MTHFD1L: variants seen among roughly 807,000 people sequenced by gnomAD.
The protein encoded by MTHFD1L is monofunctional C1-tetrahydrofolate synthase, mitochondrial.
In MTHFD1L, 81 loss-of-function variants were observed where a neutral mutation model predicts 119.5. The observed-to-expected ratio is 0.68, with a 90% CI of 0.57 to 0.82. The LOEUF (loss-of-function observed/expected upper bound fraction) is 0.82. Ranked by LOEUF, MTHFD1L falls within the 40% of genes least tolerant of loss-of-function variation. The probability of loss-of-function intolerance (pLI) is 0.00; values close to 1 mark genes in which losing one functional copy is unlikely to be tolerated. For missense variants in MTHFD1L, 1,125 were observed against 1,253.4 expected, an observed-to-expected ratio of 0.90 and a Z score of 1.55; for synonymous variants, 430 against 475.2, an observed-to-expected ratio of 0.90 and a Z score of 1.24.
intron 26 of MTHFD1L, among the ~76,000 whole-genome samples, chr6:151,060,810 C>A (rs916886945): frequency 3.4e-5 from 5 of 145,064 alleles, no homozygotes; most frequent in Non-Finnish European, 7.7e-5. Flanking sequence ...GAGTCAGGAC[C>A]TGGGGATTTT....
Position 150,971,961 on chromosome 6 carries a change from C to T in MTHFD1L, c.2028C>T (p.Phe676=), listed in dbSNP as rs141031280. The change falls in exon 20 of 28, where the codon TTC becomes TTT. Residue 676 remains phenylalanine (F), a synonymous_variant. Coordinates refer to ENST00000367321, the MANE Select transcript of MTHFD1L (RefSeq NM_015440.5). The stretch of plus-strand genomic sequence containing the variant: ...CACTTCTCTAGGGGACACCTGTGTT[C>T]GTGCATGCGGGCCCTTTTGCTAACA... ...LMQTLEGTPV[F]VHAGPFANIA... is the part of the protein sequence containing the mutation. 3.2e-4 allele frequency: 511 copies of T among 1,614,036 alleles called. 2 individuals carry two copies. In the African/African-American group the frequency reaches 5.9e-3, roughly 19 times the overall value.
At chr6:150,988,820 G>A (rs1422990293) in intron 20 of MTHFD1L, among the ~76,000 whole-genome samples, 2 of 152,044 alleles carry the variant, frequency 1.3e-5, no homozygotes, top group African/African-American at 4.8e-5. Context: ...TGGTCAGGCT[G>A]GTCTCGAACT....
chr6:150,906,233 G>A (rs1200073558), intron 8 of MTHFD1L, among the ~76,000 whole-genome samples: 1 of 152,196 alleles, frequency 6.6e-6, no homozygotes, highest in East Asian at 1.9e-4. Context: ...CACATCCTTG[G>A]AGCCCCAGAG....
intron 8 of MTHFD1L, among the ~76,000 whole-genome samples, chr6:150,911,603 G>A (rs111713196): frequency 6.6e-5 from 10 of 152,208 alleles, no homozygotes; most frequent in African/African-American, 2.4e-4. Flanking sequence ...GAAGGGGAAG[G>A]GGAATCACAT....
At position 151,013,707 on chromosome 6, in the gene MTHFD1L, G is replaced by A. The variant is rs143754731; in HGVS notation, c.2266-72G>A. 2.2e-6 allele frequency: 3 copies of A among 1,340,966 alleles called. No homozygotes were observed. In the African/African-American group the frequency reaches 4.4e-5, roughly 19 times the overall value. 83.1% of individuals were successfully genotyped at this position (1,340,966 alleles called of 1,614,324 possible). A position where few individuals can be genotyped will look rare whatever the true frequency, so the allele number is the denominator to read the frequency against. On this transcript the variant is annotated intron_variant, in intron 21 of 27. Coordinates refer to ENST00000367321, the MANE Select transcript of MTHFD1L (RefSeq NM_015440.5). Reference sequence around the variant, plus strand: ...TCTAAAAATTGAATGTGATTATGTTGTTCTTTCTTTCAGATCGGTTGTGTA... The same window carrying A: ...TCTAAAAATTGAATGTGATTATGTTATTCTTTCTTTCAGATCGGTTGTGTA...
intron 4 of MTHFD1L, 54 bp downstream of exon 4, chr6:150,877,880 T>C: frequency 2.5e-6 from 4 of 1,599,024 alleles, no homozygotes; most frequent in Non-Finnish European, 3.4e-6. Context: ...TGAGACTTAA[T>C]AGGCCCATTG....
At chr6:150,932,246 C>T (rs1474787) in intron 11 of MTHFD1L, among the ~76,000 whole-genome samples, 51,827 of 149,356 alleles carry the variant, frequency 0.35, 10,546 homozygotes, top group African/African-American at 0.57. Flanking sequence ...GATGTGATAG[C>T]GGTGCAAAGA....
At chr6:151,007,694 A>G (rs1781601847) in intron 20 of MTHFD1L, among the ~76,000 whole-genome samples, 1 of 152,170 alleles carries the variant, frequency 6.6e-6, no homozygotes, top group African/African-American at 2.4e-5. Context: ...ACTTTTGACA[A>G]AAGTCACCCG....
At chr6:150,911,671 C>A (rs902750888) in intron 8 of MTHFD1L, among the ~76,000 whole-genome samples, 2 of 152,028 alleles carry the variant, frequency 1.3e-5, no homozygotes, top group East Asian at 3.9e-4. Flanking sequence ...AGTCCATTTT[C>A]GCACTGCTGA....
chr6:150,982,565 A>T (rs1476034532), intron 20 of MTHFD1L, among the ~76,000 whole-genome samples: 1 of 152,146 alleles, frequency 6.6e-6, no homozygotes. Flanking sequence ...CAGGAGTGAG[A>T]TTTGGGGGGT....
At chr6:150,933,848 C>G (rs1406391299) in intron 11 of MTHFD1L, among the ~76,000 whole-genome samples, 3 of 152,152 alleles carry the variant, frequency 2.0e-5, no homozygotes, top group Non-Finnish European at 2.9e-5. Flanking sequence ...AACTCCCTAG[C>G]TCAAGCAGTC....
rs1373476885 is a variant in MTHFD1L at position 150,899,943 on chromosome 6, C to G, written c.781-5707C>G. On this transcript the variant is annotated intron_variant, in intron 7 of 27. Coordinates refer to ENST00000367321, the MANE Select transcript of MTHFD1L (RefSeq NM_015440.5). ...CTGAGATTGCACCACTGCACTCCAG[C>G]CTGGGCCACAGAGTGAGATTCCATC... is the stretch of plus-strand genomic sequence containing the variant. 2.0e-5 allele frequency among the ~76,000 whole-genome samples: 3 copies of G among 150,744 alleles called. No individual in the cohort carries two copies. The East Asian group carries it at 5.8e-4, about 29-fold the overall frequency.
chr6:150,969,515 A>AC (rs1489368278), intron 19 of MTHFD1L, among the ~76,000 whole-genome samples: 12 of 150,584 alleles, frequency 8.0e-5, no homozygotes, highest in African/African-American at 2.4e-4. Flanking sequence ...CCTGCCTCAA[A>AC]AAAAAAAAAA....
In MTHFD1L at chr6:151,022,086, A is replaced by G. The variant is rs888971526; in HGVS notation, c.2586+6393A>G. 4 of 471,034 alleles carry G rather than the reference A, an allele frequency of 8.5e-6. No individual in the cohort carries two copies. The Admixed American group carries it at 9.4e-5, about 11-fold the overall frequency. The allele number at this position is 471,034 out of a possible 1,614,324, so 29.2% of individuals were successfully genotyped here. A position where few individuals can be genotyped will look rare whatever the true frequency, so the allele number is the denominator to read the frequency against. Reference sequence around the variant, plus strand: ...AGGAAGAGCAAAACAAACCACGAAGACAGCCTGGAGCCGCAGCCAGCTCTG... The same window carrying G: ...AGGAAGAGCAAAACAAACCACGAAGGCAGCCTGGAGCCGCAGCCAGCTCTG... On this transcript the variant is annotated intron_variant, in intron 24 of 27. Coordinates refer to ENST00000367321, the MANE Select transcript of MTHFD1L (RefSeq NM_015440.5).
At chr6:151,057,324 G>T in intron 26 of MTHFD1L, 2 of 985,338 alleles carry the variant, frequency 2.0e-6, no homozygotes, top group Non-Finnish European at 2.4e-6. Flanking sequence ...TATAATAATG[G>T]TGGTGACTCA....
intron 23 of MTHFD1L, 63 bp from the exon 24 acceptor site, chr6:151,015,453 T>A: frequency 1.3e-6 from 2 of 1,534,074 alleles, no homozygotes; most frequent in Non-Finnish European, 1.8e-6. Flanking sequence ...AAATGGTGAG[T>A]CTTTCTTTGA....
intron 9 of MTHFD1L, among the ~76,000 whole-genome samples, chr6:150,920,964 T>TGAGACAGAG (rs1788807174): frequency 7.7e-6 from 1 of 129,910 alleles, no homozygotes; most frequent in African/African-American, 3.1e-5. Flanking sequence ...TTTTTTTTTT[T>TGAGACAGAG]TTTTGAGACA....
At chr6:150,934,332 A>AG (rs1791687362) in intron 11 of MTHFD1L, among the ~76,000 whole-genome samples, 1 of 152,240 alleles carries the variant, frequency 6.6e-6, no homozygotes, top group African/African-American at 2.4e-5. Flanking sequence ...GTCTCACCTA[A>AG]GATGTTACTT....
chr6:151,009,802 C>T lies in MTHFD1L; in HGVS notation c.2126-17C>T, dbSNP rs926415552. 8.1e-6 allele frequency: 13 copies of T among 1,612,650 alleles called. No homozygotes were observed. In the Admixed American group the frequency reaches 1.7e-4, roughly 21 times the overall value. On this transcript the variant is annotated splice_polypyrimidine_tract_variant and intron_variant, in intron 20 of 27. Transcript: ENST00000367321. ...TTTTAGAAGATAATAGCACATATTC[C>T]ACTTGCTTCCCCACAGTGACCGAAG...
Sources: gnomAD v4.1 joint callset for allele counts (sites outside exome capture counted in the v4.1 genomes callset) on GRCh38, gnomAD v4.1.1 for gene constraint, MANE v1.5 for transcripts, NCBI Gene and HGNC (gene_info 2026-07-23, HGNC 2026-07-21) for gene names.